LRIG2: variants seen among roughly 807,000 people sequenced by gnomAD.
The protein encoded by LRIG2 is leucine rich repeats and immunoglobulin like domains 2.
Under a neutral mutation model 107.8 loss-of-function variants are expected in LRIG2, and 93 were observed. The observed-to-expected ratio is 0.86, with a 90% CI of 0.73 to 1.03. The LOEUF (loss-of-function observed/expected upper bound fraction) is 1.03. LRIG2 is among the 50% of genes least tolerant of loss of function. The probability of loss-of-function intolerance (pLI) is 0.00; values close to 1 mark genes in which losing one functional copy is unlikely to be tolerated. For missense variants in LRIG2, 1,226 were observed against 1,296.0 expected, an observed-to-expected ratio of 0.95 and a Z score of 0.83; for synonymous variants, 471 against 470.6, an observed-to-expected ratio of 1.00 and a Z score of -0.01.
At chr1:113,118,231 T>A (rs1035727817) in intron 16 of LRIG2, among the ~76,000 whole-genome samples, 2 of 152,212 alleles carry the variant, frequency 1.3e-5, no homozygotes, top group African/African-American at 4.8e-5. Flanking sequence ...TTGCATGATT[T>A]TGAATAAGTA....
chr1:113,116,227 G>A, intron 15 of LRIG2, 60 bp from the exon 16 acceptor site: 1 of 1,481,114 alleles, frequency 6.8e-7, no homozygotes, highest in Non-Finnish European at 9.2e-7. Flanking sequence ...TTGCAAAATA[G>A]TCTTCTGAGT....
At chr1:113,075,721 G>T (rs1262881435) in intron 1 of LRIG2, among the ~76,000 whole-genome samples, 2 of 134,848 alleles carry the variant, frequency 1.5e-5, no homozygotes, top group East Asian at 2.2e-4. Context: ...TTGAGATGGA[G>T]TCGCGCTCTT....
chr1:113,116,765 A>ACATCCAAGGGAGGCTGGTTTCT (rs1337814751), intron 16 of LRIG2, among the ~76,000 whole-genome samples: 2 of 152,170 alleles, frequency 1.3e-5, no homozygotes, highest in East Asian at 3.8e-4. Context: ...CCTTCAGACC[A>ACATCCAAGGGAGGCTGGTTTCT]CATCCAAGGG....
At chr1:113,101,820 C>G (rs535537685) in intron 11 of LRIG2, among the ~76,000 whole-genome samples, 1 of 152,292 alleles carries the variant, frequency 6.6e-6, no homozygotes, top group Admixed American at 6.5e-5. Context: ...CTTGTTTACT[C>G]AAATATTTAT....
chr1:113,075,544 A>T (rs1178780227), intron 1 of LRIG2, among the ~76,000 whole-genome samples: 11 of 152,174 alleles, frequency 7.2e-5, no homozygotes, highest in Admixed American at 7.2e-4. Flanking sequence ...GTGTAGTGTC[A>T]GTTAAACCTA....
chr1:113,081,763 C>T (rs909443621), intron 1 of LRIG2, among the ~76,000 whole-genome samples: 3 of 152,126 alleles, frequency 2.0e-5, no homozygotes, highest in African/African-American at 2.4e-5. Flanking sequence ...TCAGGTGATC[C>T]GCCCACCTCA....
chr1:113,101,328 A>G (rs2101044423), intron 11 of LRIG2, among the ~76,000 whole-genome samples: 1 of 152,310 alleles, frequency 6.6e-6, no homozygotes, highest in East Asian at 1.9e-4. Flanking sequence ...TCAGCCTCCC[A>G]AAGTGTTGGG....
rs758923440 is a variant in LRIG2 at position 113,125,264 on chromosome 1, C to T, written c.*1163C>T. On this transcript the variant is annotated 3_prime_UTR_variant, in exon 18 of 18. Coordinates refer to ENST00000361127, the MANE Select transcript of LRIG2 (RefSeq NM_014813.3). ...GTGATTGTATACACATAAACACAGT[C>T]TTGGTGTAATTAACCGCCTTCTTCA... 1.3e-5 allele frequency: 2 copies of T among 152,188 alleles called. No homozygotes were observed. Among genetic ancestry groups the T allele is most frequent in the Admixed American group, 6.5e-5 (1 of 15,268 alleles). The allele number at this position is 152,188 out of a possible 1,614,324, so 9.4% of individuals were successfully genotyped here. A position where few individuals can be genotyped will look rare whatever the true frequency, so the allele number is the denominator to read the frequency against.
At chr1:113,073,682 G>C (rs746159503) in intron 1 of LRIG2, 37 bp downstream of exon 1, 1 of 1,580,050 alleles carries the variant, frequency 6.3e-7, no homozygotes, top group Non-Finnish European at 8.6e-7. Context: ...CCAAAAGGAG[G>C]GGGAGCCTTC....
chr1:113,125,813 G>A lies in LRIG2; in HGVS notation c.*1712G>A, dbSNP rs1222514512. On this transcript the variant is annotated 3_prime_UTR_variant, in exon 18 of 18. Coordinates refer to ENST00000361127, the MANE Select transcript of LRIG2 (RefSeq NM_014813.3). ...TAATGCTCTTTGAGTTGCAACAGGT[G>A]TATTATTTAAATGAGTATTTGAAAT... The A allele has an allele frequency of 3.3e-5, 5 of 152,188 alleles. No individual in the cohort carries two copies. Among genetic ancestry groups the A allele is most frequent in the African/African-American group, 9.7e-5 (4 of 41,442 alleles). The allele number at this position is 152,188 out of a possible 1,614,324, so 9.4% of individuals were successfully genotyped here.
intron 17 of LRIG2, among the ~76,000 whole-genome samples, chr1:113,121,591 A>T (rs1206743998): frequency 6.6e-6 from 1 of 151,922 alleles, no homozygotes; most frequent in Non-Finnish European, 1.5e-5. Flanking sequence ...AAAAAATTAA[A>T]AATTAGCTGG....
At chr1:113,107,015 G>A (rs1274924099) in intron 11 of LRIG2, among the ~76,000 whole-genome samples, 1 of 152,016 alleles carries the variant, frequency 6.6e-6, no homozygotes, top group African/African-American at 2.4e-5. Context: ...TGCTGAATTT[G>A]TTCTATTTCC....
rs1263337511 is a variant in LRIG2, at chr1:113,114,864, A to G, written c.2518A>G (p.Ile840Val). 1.2e-6 allele frequency: 2 copies of G among 1,608,078 alleles called. No individual in the cohort carries two copies. The highest frequency in any genetic ancestry group is 1.7e-6 in the Non-Finnish European group (2 of 1,178,602). Residue 840 changes from isoleucine to valine, a missense_variant, in exon 15 of 18, where the codon ATC becomes GTC. By Grantham distance (29) the Ile-to-Val change is conservative. Transcript: ENST00000361127. ...GAGAAGGAAAAATGAAGACTATAGT[A>G]TCACAAACACAGGTAAGTAGTACCC... ...HMRRKNEDYS[I>V]TNTEELNLPA... is the part of the protein sequence containing the mutation.
intron 2 of LRIG2, among the ~76,000 whole-genome samples, chr1:113,091,824 T>G (rs756070395): frequency 3.9e-5 from 6 of 152,180 alleles, no homozygotes; most frequent in African/African-American, 1.4e-4. Flanking sequence ...AGAATTAAGT[T>G]TTTCTCTTAA....
In LRIG2 at chr1:113,093,422, T is replaced by C; in HGVS notation, c.381-8T>C. 6.2e-7 allele frequency: 1 copy of C among 1,613,594 alleles called. No individual in the cohort carries two copies. Among genetic ancestry groups the C allele is most frequent in the South Asian group, 1.1e-5 (1 of 91,044 alleles). ...GGCAGCAGCTTCATTATAATCTTTG[T>C]TTTACAGAGTCCATAATATAATCCC... On this transcript the variant is annotated splice_polypyrimidine_tract_variant and splice_region_variant and intron_variant, in intron 3 of 17. Transcript: ENST00000361127.
intron 15 of LRIG2, among the ~76,000 whole-genome samples, chr1:113,116,000 G>A (rs1241682220): frequency 6.6e-6 from 1 of 152,014 alleles, no homozygotes; most frequent in Non-Finnish European, 1.5e-5. Context: ...CTCTCACCCT[G>A]GAATCCTGCA....
chr1:113,108,825 A>C (rs2950632), intron 12 of LRIG2, among the ~76,000 whole-genome samples: 55,580 of 151,928 alleles, frequency 0.37, 10,516 homozygotes, highest in East Asian at 0.65. Context: ...GCAGTGAGGC[A>C]AGATTGTGCC....
rs1319750123 is a variant in LRIG2, at chr1:113,128,248, A to T, written c.*4147A>T. On this transcript the variant is annotated 3_prime_UTR_variant, in exon 18 of 18. Transcript: ENST00000361127. ...TATGTCTTTACTATGTCAGCCTCTG[A>T]TCATTTTCACTTTGAACTTCCTAAA... The T allele has an allele frequency of 6.6e-6, 1 of 152,134 alleles. No individual in the cohort carries two copies. The allele number at this position is 152,134 out of a possible 1,614,324, so 9.4% of individuals were successfully genotyped here. A position where few individuals can be genotyped will look rare whatever the true frequency, so the allele number is the denominator to read the frequency against.
At chr1:113,084,084 G>A (rs1329995396) in intron 1 of LRIG2, among the ~76,000 whole-genome samples, 1 of 149,962 alleles carries the variant, frequency 6.7e-6, no homozygotes, top group African/African-American at 2.4e-5. Flanking sequence ...TTGGTCTGGG[G>A]TGGGACTTAA....
Sources: allele counts gnomAD v4.1 joint callset (sites outside exome capture counted in the v4.1 genomes callset), GRCh38; gene constraint gnomAD v4.1.1; transcripts MANE v1.5; gene names NCBI Gene and HGNC (gene_info 2026-07-23, HGNC 2026-07-21).